WNT3: variants seen among roughly 807,000 people sequenced by gnomAD.
WNT3 encodes proto-oncogene Wnt-3.
In WNT3, 7 loss-of-function variants were observed where a neutral mutation model predicts 34.2. That is an observed-to-expected ratio of 0.20 (90% CI 0.12 to 0.38). WNT3 has a LOEUF of 0.38. Among genes scored for constraint, WNT3 ranks in the 10% least tolerant of loss-of-function variants. The pLI, the probability that WNT3 is intolerant of heterozygous loss-of-function variation, is 1.00. For synonymous variants in WNT3, 212 were observed against 211.5 expected (o/e 1.00, Z -0.02); for missense variants, 267 against 499.8 (o/e 0.53, Z 4.44).
intron 1 of WNT3, among the ~76,000 whole-genome samples, chr17:46,795,670 C>A (rs2146432617): frequency 6.6e-6 from 1 of 152,346 alleles, no homozygotes; most frequent in East Asian, 1.9e-4. Context: ...AAGCCCAGTT[C>A]CGGAGCACCC....
rs377121492 is a variant in WNT3 at position 46,771,095 on chromosome 17, GC to G, written c.323-1048del. Among the ~76,000 whole-genome samples the G allele has an allele frequency of 7.8e-3, 1,195 of 152,316 alleles. 24 individuals carry two copies. Among genetic ancestry groups the G allele is most frequent in the African/African-American group, 0.027 (1,133 of 41,586 alleles). On this transcript the variant is annotated intron_variant, in intron 2 of 4. Transcript: ENST00000225512. Reference sequence around the variant, plus strand: ...GTGGGCCGAGTGCTGCAAGAAGGAAGCCCGGGACCCCTCTTGGCTCCCGCGG... The same window carrying G: ...GTGGGCCGAGTGCTGCAAGAAGGAAGCCGGGACCCCTCTTGGCTCCCGCGG...
chr17:46,803,525 T>C (rs1300955307), intron 1 of WNT3, among the ~76,000 whole-genome samples: 1 of 152,058 alleles, frequency 6.6e-6, no homozygotes, highest in African/African-American at 2.4e-5. Flanking sequence ...CAAGACTATG[T>C]CTCAAGAAAG....
At chr17:46,805,682 T>C (rs1026893113) in intron 1 of WNT3, among the ~76,000 whole-genome samples, 1 of 152,156 alleles carries the variant, frequency 6.6e-6, no homozygotes, top group African/African-American at 2.4e-5. Flanking sequence ...CCCCAGGAGA[T>C]TGAGGCTACA....
intron 1 of WNT3, among the ~76,000 whole-genome samples, chr17:46,777,884 C>G: frequency 6.6e-6 from 1 of 152,188 alleles, no homozygotes; most frequent in South Asian, 2.1e-4. Context: ...TTCCCTCTTT[C>G]CACCAAACCC....
rs1189681194 is a variant in WNT3, at chr17:46,770,014, G to A, written c.357C>T (p.Ala119=). Residue 119 remains alanine (A), a synonymous_variant, in exon 3 of 5, where the codon GCC becomes GCT. Coordinates refer to ENST00000225512, the MANE Select transcript of WNT3 (RefSeq NM_030753.5). ...TRESAFVHAI[A]SAGVAFAVTR... Reference sequence around the variant, plus strand: ...TGACGGCGAAGGCCACGCCGGCCGAGGCGATGGCGTGAACGAAGGCCGACT... The same window carrying A: ...TGACGGCGAAGGCCACGCCGGCCGAAGCGATGGCGTGAACGAAGGCCGACT... 4.4e-6 allele frequency: 7 copies of A among 1,585,036 alleles called. No homozygotes were observed. Among genetic ancestry groups the A allele is most frequent in the African/African-American group, 2.7e-5 (2 of 74,456 alleles).
intron 1 of WNT3, among the ~76,000 whole-genome samples, chr17:46,779,103 A>ACACACACACACACCCCCCCC (rs749719578): frequency 7.5e-6 from 1 of 133,590 alleles, no homozygotes; most frequent in Admixed American, 7.8e-5. Flanking sequence ...ACACACACAC[A>ACACACACACACACCCCCCCC]CCCCAGCCCA....
chr17:46,791,498 C>T (rs970772898), intron 1 of WNT3, among the ~76,000 whole-genome samples: 1 of 152,156 alleles, frequency 6.6e-6, no homozygotes, highest in African/African-American at 2.4e-5. Context: ...TGAGCCACCA[C>T]GCCCGGCCTC....
intron 1 of WNT3, among the ~76,000 whole-genome samples, chr17:46,787,141 T>C (rs541587189): frequency 6.6e-6 from 1 of 152,226 alleles, no homozygotes; most frequent in South Asian, 2.1e-4. Flanking sequence ...AGTCCTGCTA[T>C]ATTGCCCAGG....
At chr17:46,801,642 G>A (rs1317670608) in intron 1 of WNT3, among the ~76,000 whole-genome samples, 1 of 147,252 alleles carries the variant, frequency 6.8e-6, no homozygotes, top group African/African-American at 2.5e-5. Context: ...GAATTGAATT[G>A]AATTAAATTA....
intron 1 of WNT3, among the ~76,000 whole-genome samples, chr17:46,798,087 C>G (rs2084077420): frequency 6.6e-6 from 1 of 152,262 alleles, no homozygotes; most frequent in South Asian, 2.1e-4. Flanking sequence ...TGCTAACACA[C>G]CCAGCTAATT....
At chr17:46,779,038 C>A (rs2059434797) in intron 1 of WNT3, among the ~76,000 whole-genome samples, 1 of 146,360 alleles carries the variant, frequency 6.8e-6, no homozygotes, top group Non-Finnish European at 1.5e-5. Flanking sequence ...CAGTTATTCC[C>A]CGGTCCCTAC....
At chr17:46,779,849 C>T (rs1396915481) in intron 1 of WNT3, among the ~76,000 whole-genome samples, 1 of 152,118 alleles carries the variant, frequency 6.6e-6, no homozygotes, top group Non-Finnish European at 1.5e-5. Flanking sequence ...ACCTCTGCCT[C>T]CCAAGTTCAA....
At chr17:46,793,931 C>T (rs370209263) in intron 1 of WNT3, among the ~76,000 whole-genome samples, 6 of 152,184 alleles carry the variant, frequency 3.9e-5, no homozygotes, top group East Asian at 3.8e-4. Context: ...CCAGACCCCA[C>T]CCTCTGGAGA....
At chr17:46,794,868 A>G (rs868784412) in intron 1 of WNT3, among the ~76,000 whole-genome samples, 2 of 150,972 alleles carry the variant, frequency 1.3e-5, no homozygotes, top group African/African-American at 4.9e-5. Flanking sequence ...CTCGTGCCTC[A>G]GCCTTCCGAG....
At chr17:46,776,837 C>T (rs577594145) in intron 1 of WNT3, among the ~76,000 whole-genome samples, 1 of 152,258 alleles carries the variant, frequency 6.6e-6, no homozygotes, top group Non-Finnish European at 1.5e-5. Flanking sequence ...AGAGCTGAGG[C>T]GGGAGTGAGA....
At chr17:46,797,269 G>A (rs1373280070) in intron 1 of WNT3, among the ~76,000 whole-genome samples, 1 of 152,168 alleles carries the variant, frequency 6.6e-6, no homozygotes, top group African/African-American at 2.4e-5. Flanking sequence ...GTCCTACTCT[G>A]GCCCAAGAGC....
intron 1 of WNT3, among the ~76,000 whole-genome samples, chr17:46,777,209 CAAAAAA>C (rs889229712): frequency 2.1e-5 from 3 of 145,008 alleles, no homozygotes; most frequent in Non-Finnish European, 3.0e-5. Flanking sequence ...GACTTCGTCT[CAAAAAA>C]AAAAAAGAAA....
At chr17:46,770,385 G>C (rs1568074268) in intron 2 of WNT3, among the ~76,000 whole-genome samples, 1 of 152,172 alleles carries the variant, frequency 6.6e-6, no homozygotes, top group South Asian at 2.1e-4. Context: ...CTTCTGTCCT[G>C]GTCCCACACC....
intron 1 of WNT3, among the ~76,000 whole-genome samples, chr17:46,778,369 T>C (rs922832230): frequency 5.3e-5 from 8 of 152,188 alleles, no homozygotes; most frequent in Non-Finnish European, 1.0e-4. Flanking sequence ...GGATGCTCCA[T>C]TCAAAGGCTT....
Sources: gnomAD v4.1 joint callset for allele counts (sites outside exome capture counted in the v4.1 genomes callset) on GRCh38, gnomAD v4.1.1 for gene constraint, MANE v1.5 for transcripts, NCBI Gene and HGNC (gene_info 2026-07-23, HGNC 2026-07-21) for gene names.